The following LRRTM4 variants were observed in gnomAD, a reference collection of about 807,000 sequenced individuals.
LRRTM4 encodes the protein leucine-rich repeat transmembrane neuronal protein 4.
Under a neutral mutation model 47.6 loss-of-function variants are expected in LRRTM4, and 25 were observed. The observed-to-expected ratio is 0.53, with a 90% CI of 0.38 to 0.73. The LOEUF (loss-of-function observed/expected upper bound fraction) is 0.73, where lower values mean the gene tolerates loss of function less well. Among genes scored for constraint, LRRTM4 ranks in the 30% least tolerant of loss-of-function variants. The probability of loss-of-function intolerance (pLI) is 0.00; values close to 1 mark genes in which losing one functional copy is unlikely to be tolerated. For synonymous variants in LRRTM4, 311 were observed against 269.5 expected (o/e 1.15, Z -1.51); for missense variants, 638 against 713.4 (o/e 0.89, Z 1.20).
At chr2:76,923,277 C>A (rs992716228) in intron 3 of LRRTM4, among the ~76,000 whole-genome samples, 3 of 151,944 alleles carry the variant, frequency 2.0e-5, no homozygotes, top group Non-Finnish European at 2.9e-5. Flanking sequence ...CCTCTTGCAA[C>A]CAGTAGTATG....
At chr2:77,164,452 A>G (rs1173146464) in intron 3 of LRRTM4, among the ~76,000 whole-genome samples, 2 of 152,246 alleles carry the variant, frequency 1.3e-5, no homozygotes, top group Non-Finnish European at 2.9e-5. Flanking sequence ...CTCTGCACCA[A>G]GCAGACCTAA....
intron 3 of LRRTM4, among the ~76,000 whole-genome samples, chr2:77,327,751 C>T (rs1195954794): frequency 4.0e-5 from 6 of 151,810 alleles, no homozygotes; most frequent in Admixed American, 3.9e-4. Flanking sequence ...CAGGGTTATC[C>T]CCCTTGAAAC....
intron 3 of LRRTM4, among the ~76,000 whole-genome samples, chr2:77,340,777 G>T (rs948698643): frequency 2.0e-5 from 3 of 151,848 alleles, no homozygotes; most frequent in Admixed American, 6.6e-5. Context: ...TCAGGCATTT[G>T]ACACTACAAG....
chr2:77,499,033 T>C (rs1324091754), intron 3 of LRRTM4, among the ~76,000 whole-genome samples: 1 of 151,864 alleles, frequency 6.6e-6, no homozygotes, highest in Non-Finnish European at 1.5e-5. Context: ...AGAAATGTCT[T>C]TTTAGCCTCT....
chr2:76,899,243 A>G (rs1410910204), intron 3 of LRRTM4, among the ~76,000 whole-genome samples: 2 of 151,796 alleles, frequency 1.3e-5, no homozygotes, highest in Non-Finnish European at 2.9e-5. Context: ...ACAGAAGTGA[A>G]CAAAACTGCA....
intron 3 of LRRTM4, among the ~76,000 whole-genome samples, chr2:77,350,912 A>T (rs2104295755): frequency 6.6e-6 from 1 of 152,250 alleles, no homozygotes; most frequent in East Asian, 1.9e-4. Flanking sequence ...TATTAAACAA[A>T]CGAAACTTTT....
At chr2:76,899,250 T>A (rs1281798835) in intron 3 of LRRTM4, among the ~76,000 whole-genome samples, 1 of 149,564 alleles carries the variant, frequency 6.7e-6, no homozygotes, top group African/African-American at 2.5e-5. Flanking sequence ...TGAACAAAAC[T>A]GCAAAAACAC....
At chr2:76,885,387 G>A (rs944082652) in intron 3 of LRRTM4, among the ~76,000 whole-genome samples, 4 of 151,426 alleles carry the variant, frequency 2.6e-5, no homozygotes, top group African/African-American at 7.3e-5. Flanking sequence ...TATGATAACT[G>A]AATGATCAAC....
At chr2:76,959,127 A>C (rs1675770835) in intron 3 of LRRTM4, among the ~76,000 whole-genome samples, 2 of 151,718 alleles carry the variant, frequency 1.3e-5, no homozygotes, top group Admixed American at 6.6e-5. Context: ...GATTTCTGTT[A>C]CTTAGTGCTG....
intron 3 of LRRTM4, among the ~76,000 whole-genome samples, chr2:76,985,479 T>G (rs1455817577): frequency 6.6e-6 from 1 of 151,992 alleles, no homozygotes; most frequent in Non-Finnish European, 1.5e-5. Flanking sequence ...TCCAGAGACC[T>G]TGAGTGACAG....
At chr2:77,391,304 A>G (rs954466374) in intron 3 of LRRTM4, among the ~76,000 whole-genome samples, 3 of 151,762 alleles carry the variant, frequency 2.0e-5, no homozygotes, top group African/African-American at 7.3e-5. Flanking sequence ...CACTTGGGAA[A>G]CTCTGCAGAT....
At chr2:76,801,729 T>C (rs2103774747) in intron 3 of LRRTM4, among the ~76,000 whole-genome samples, 1 of 151,576 alleles carries the variant, frequency 6.6e-6, no homozygotes, top group South Asian at 2.1e-4. Context: ...CTCAGCAAAA[T>C]ATCAGCAAAC....
intron 3 of LRRTM4, among the ~76,000 whole-genome samples, chr2:76,927,063 G>T (rs1674610767): frequency 6.6e-6 from 1 of 152,050 alleles, no homozygotes; most frequent in South Asian, 2.1e-4. Flanking sequence ...TTGTGATTTT[G>T]CTTATGACAT....
chr2:76,922,375 A>C (rs1674459257), intron 3 of LRRTM4, among the ~76,000 whole-genome samples: 1 of 152,050 alleles, frequency 6.6e-6, no homozygotes, highest in Non-Finnish European at 1.5e-5. Context: ...GGAGAGAGAG[A>C]GCGTGCACAA....
intron 3 of LRRTM4, among the ~76,000 whole-genome samples, chr2:76,871,575 T>C (rs766444529): frequency 1.9e-4 from 29 of 152,198 alleles, no homozygotes; most frequent in Non-Finnish European, 3.2e-4. Context: ...GGTTCTGAAA[T>C]GATCTCCTAT....
At chr2:76,856,972 A>C (rs1260978841) in intron 3 of LRRTM4, among the ~76,000 whole-genome samples, 2 of 152,112 alleles carry the variant, frequency 1.3e-5, no homozygotes. Flanking sequence ...TGGTTTATCA[A>C]TTTACTAACA....
intron 2 of LRRTM4, among the ~76,000 whole-genome samples, chr2:77,520,887 T>C (rs1679461437): frequency 6.6e-6 from 1 of 151,070 alleles, no homozygotes. Context: ...CAACAGTAGA[T>C]TTATTATTTC....
chr2:77,224,338 A>G (rs1674738545), intron 3 of LRRTM4, among the ~76,000 whole-genome samples: 1 of 152,228 alleles, frequency 6.6e-6, no homozygotes, highest in Non-Finnish European at 1.5e-5. Context: ...AGCAATGGCA[A>G]CAAAAGCCAA....
intron 3 of LRRTM4, among the ~76,000 whole-genome samples, chr2:76,954,151 C>T (rs993917447): frequency 6.6e-6 from 1 of 151,686 alleles, no homozygotes; most frequent in African/African-American, 2.4e-5. Context: ...TGTATGGATC[C>T]CCACACAATG....
Sources: allele counts gnomAD v4.1 joint callset (sites outside exome capture counted in the v4.1 genomes callset), GRCh38; gene constraint gnomAD v4.1.1; transcripts MANE v1.5; gene names NCBI Gene and HGNC (gene_info 2026-07-23, HGNC 2026-07-21).